DGKB: variants seen among roughly 807,000 people sequenced by gnomAD.
The protein encoded by DGKB is 90 kDa diacylglycerol kinase.
In DGKB, 67 loss-of-function variants were observed where a neutral mutation model predicts 114.3. The observed-to-expected ratio is 0.59, with a 90% confidence interval of 0.48 to 0.72. The LOEUF (loss-of-function observed/expected upper bound fraction) is 0.72. DGKB is among the 30% of genes least tolerant of loss of function. The pLI, the probability that DGKB is intolerant of heterozygous loss-of-function variation, is 0.00. For synonymous variants in DGKB, 398 were observed against 323.1 expected (o/e 1.23, Z -2.49); for missense variants, 907 against 975.2 (o/e 0.93, Z 0.93).
intron 19 of DGKB, among the ~76,000 whole-genome samples, chr7:14,579,350 A>T (rs1584933412): frequency 6.6e-6 from 1 of 152,132 alleles, no homozygotes; most frequent in Non-Finnish European, 1.5e-5. Flanking sequence ...AGTGCTTTGT[A>T]TGTGGTTTCA....
intron 2 of DGKB, among the ~76,000 whole-genome samples, chr7:14,801,944 A>ACACACG (rs900950899): frequency 2.0e-5 from 3 of 151,544 alleles, no homozygotes; most frequent in Admixed American, 1.3e-4. Context: ...ACACACACAC[A>ACACACG]CACGCACACA....
chr7:14,854,955 C>T (rs1037782029), intron 1 of DGKB, among the ~76,000 whole-genome samples: 2 of 152,034 alleles, frequency 1.3e-5, no homozygotes, highest in Non-Finnish European at 2.9e-5. Context: ...GGAATAATTG[C>T]ATGATGAGAT....
intron 21 of DGKB, among the ~76,000 whole-genome samples, chr7:14,421,834 A>G (rs1161271485): frequency 6.6e-6 from 1 of 152,054 alleles, no homozygotes; most frequent in African/African-American, 2.4e-5. Context: ...GAGAAAATGT[A>G]ACTGCTGTTA....
chr7:14,541,881 T>A (rs1340065179), intron 20 of DGKB, among the ~76,000 whole-genome samples: 1 of 152,216 alleles, frequency 6.6e-6, no homozygotes, highest in Non-Finnish European at 1.5e-5. Flanking sequence ...ATGCTATCAA[T>A]AGTCTCTTTT....
At chr7:14,293,408 C>A (rs62443703) in intron 23 of DGKB, among the ~76,000 whole-genome samples, 5,151 of 152,122 alleles carry the variant, frequency 0.034, 182 homozygotes, top group African/African-American at 0.087. Context: ...CTGGGTTATT[C>A]TTTGTCTTCT....
chr7:14,520,632 A>C (rs1194238819), intron 20 of DGKB, among the ~76,000 whole-genome samples: 1 of 151,848 alleles, frequency 6.6e-6, no homozygotes, highest in Non-Finnish European at 1.5e-5. Flanking sequence ...TTGTTTTCCC[A>C]GATTTTTTTC....
intron 12 of DGKB, among the ~76,000 whole-genome samples, chr7:14,678,938 C>A (rs1820355305): frequency 6.6e-6 from 1 of 151,972 alleles, no homozygotes; most frequent in Non-Finnish European, 1.5e-5. Context: ...AAATTGACTT[C>A]AAACTTTTTT....
At chr7:14,494,036 A>G (rs1784961539) in intron 20 of DGKB, among the ~76,000 whole-genome samples, 2 of 151,726 alleles carry the variant, frequency 1.3e-5, no homozygotes, top group Non-Finnish European at 2.9e-5. Context: ...AAAATCTATA[A>G]TTACATGTAT....
intron 23 of DGKB, among the ~76,000 whole-genome samples, chr7:14,321,425 A>G (rs946761147): frequency 1.3e-4 from 20 of 152,192 alleles, no homozygotes; most frequent in African/African-American, 4.6e-4. Flanking sequence ...TAAATTTGAA[A>G]TAAAGAAGAA....
At chr7:14,916,423 G>T (rs1394504424) in intron 1 of DGKB, among the ~76,000 whole-genome samples, 1 of 151,962 alleles carries the variant, frequency 6.6e-6, no homozygotes, top group Non-Finnish European at 1.5e-5. Context: ...TGTAAAAAAA[G>T]ATTCAACAAA....
chr7:14,771,330 C>T (rs1318359302), intron 2 of DGKB, among the ~76,000 whole-genome samples: 1 of 152,058 alleles, frequency 6.6e-6, no homozygotes, highest in African/African-American at 2.4e-5. Context: ...TCCCTGTACC[C>T]GGTAACAGAA....
intron 2 of DGKB, among the ~76,000 whole-genome samples, chr7:14,784,047 A>G (rs1050408078): frequency 6.6e-6 from 1 of 152,200 alleles, no homozygotes; most frequent in African/African-American, 2.4e-5. Flanking sequence ...TATAATGTTG[A>G]GTTTTACTGA....
At chr7:14,719,960 T>G (rs1003523529) in intron 5 of DGKB, among the ~76,000 whole-genome samples, 7 of 152,178 alleles carry the variant, frequency 4.6e-5, no homozygotes, top group Admixed American at 2.0e-4. Flanking sequence ...AGATTTTAAC[T>G]TCCCAGAGTT....
chr7:14,563,144 C>A (rs1331146456), intron 20 of DGKB, among the ~76,000 whole-genome samples: 2 of 152,164 alleles, frequency 1.3e-5, no homozygotes, highest in Admixed American at 6.5e-5. Flanking sequence ...GTAAGGCACG[C>A]CTTTGTTCCT....
intron 13 of DGKB, among the ~76,000 whole-genome samples, chr7:14,655,508 A>G (rs996730792): frequency 6.6e-6 from 1 of 151,828 alleles, no homozygotes; most frequent in Non-Finnish European, 1.5e-5. Context: ...TAGAAATATC[A>G]TATAATCCAG....
At chr7:14,804,115 T>C (rs1207900012) in intron 2 of DGKB, among the ~76,000 whole-genome samples, 1 of 151,446 alleles carries the variant, frequency 6.6e-6, no homozygotes, top group African/African-American at 2.4e-5. Flanking sequence ...ATTTTTTTCA[T>C]TGAGAGCCTA....
chr7:14,701,675 A>G lies in DGKB; in HGVS notation c.516+6T>C. The G allele has an allele frequency of 6.2e-7, 1 of 1,604,252 alleles. No individual in the cohort carries two copies. Among genetic ancestry groups the G allele is most frequent in the Non-Finnish European group, 8.5e-7 (1 of 1,171,796 alleles). ...TTTTCACAGAAACTTTGAAGAAAAA[A>G]ATTACCGAGCTGTCCAGGAAGCCAT... On this transcript the variant is annotated splice_donor_region_variant and intron_variant, in intron 7 of 25. Coordinates refer to ENST00000402815, the MANE Select transcript of DGKB (RefSeq NM_001350709.2).
chr7:14,948,208 G>A (rs1562896497), intron 1 of DGKB, among the ~76,000 whole-genome samples: 2 of 151,696 alleles, frequency 1.3e-5, no homozygotes, highest in African/African-American at 2.4e-5. Flanking sequence ...TTCCTAATCT[G>A]TACTAAGGGA....
At chr7:14,278,580 G>C (rs142795072) in intron 23 of DGKB, among the ~76,000 whole-genome samples, 17 of 152,174 alleles carry the variant, frequency 1.1e-4, no homozygotes, top group Non-Finnish European at 2.1e-4. Flanking sequence ...CATTGGTCTG[G>C]CAATGATTTT....
Sources: gnomAD v4.1 joint callset for allele counts (sites outside exome capture counted in the v4.1 genomes callset) on GRCh38, gnomAD v4.1.1 for gene constraint, MANE v1.5 for transcripts, NCBI Gene and HGNC (gene_info 2026-07-23, HGNC 2026-07-21) for gene names.